The following DGKG variants were observed in gnomAD, a reference collection of about 807,000 sequenced individuals.
DGKG encodes DAG kinase gamma.
DGKG carries 78 observed loss-of-function variants against 105.3 expected under a neutral mutation model. That is an observed-to-expected ratio of 0.74 (90% confidence interval 0.62 to 0.89). The LOEUF (loss-of-function observed/expected upper bound fraction) is 0.89. Among genes scored for constraint, DGKG ranks in the 40% least tolerant of loss-of-function variants. The pLI is 0.00. For synonymous variants in DGKG, 346 were observed against 367.1 expected (o/e 0.94, Z 0.66); for missense variants, 958 against 1,020.1 (o/e 0.94, Z 0.83).
intron 5 of DGKG, 76 bp from the exon 6 acceptor site, chr3:186,288,956 C>T (rs1457198218): frequency 7.1e-7 from 1 of 1,413,934 alleles, no homozygotes; most frequent in African/African-American, 1.5e-5. Flanking sequence ...TTACCCCATC[C>T]TTTTCATGGT....
chr3:186,257,192 T>C (rs1301094656), intron 17 of DGKG, among the ~76,000 whole-genome samples: 2 of 152,214 alleles, frequency 1.3e-5, no homozygotes, highest in Non-Finnish European at 2.9e-5. Flanking sequence ...TATTACACTT[T>C]GCAGTGTTTG....
chr3:186,297,597 G>A, intron 4 of DGKG, 114 bp from the exon 5 acceptor site: 1 of 753,394 alleles, frequency 1.3e-6, no homozygotes, highest in East Asian at 2.5e-5. Context: ...CTGTGTCTCG[G>A]GGTTATGTGT....
chr3:186,289,038 G>T (rs961399065), intron 5 of DGKG, among the ~76,000 whole-genome samples, 158 bp from the exon 6 acceptor site: 1 of 152,174 alleles, frequency 6.6e-6, no homozygotes, highest in African/African-American at 2.4e-5. Context: ...AGTGGCCCTA[G>T]AAATCCAACT....
intron 22 of DGKG, among the ~76,000 whole-genome samples, chr3:186,165,440 G>A (rs1016650158): frequency 3.3e-5 from 5 of 152,234 alleles, no homozygotes; most frequent in Admixed American, 2.6e-4. Flanking sequence ...TTCTCTGAAT[G>A]TCTGAATAAC....
intron 5 of DGKG, among the ~76,000 whole-genome samples, chr3:186,295,132 C>G (rs1382133534): frequency 1.3e-5 from 2 of 152,172 alleles, no homozygotes; most frequent in Non-Finnish European, 1.5e-5. Flanking sequence ...AAGAAACTCT[C>G]TCTTCAAGGT....
intron 10 of DGKG, 45 bp from the exon 11 acceptor site, chr3:186,272,388 T>C: frequency 7.0e-7 from 1 of 1,436,406 alleles, no homozygotes; most frequent in Non-Finnish European, 9.8e-7. Flanking sequence ...AATAGCCACG[T>C]AGGAAAGGCC....
At chr3:186,235,290 G>A (rs1720363052) in intron 20 of DGKG, among the ~76,000 whole-genome samples, 1 of 152,066 alleles carries the variant, frequency 6.6e-6, no homozygotes, top group African/African-American at 2.4e-5. Context: ...ATTTCATTTG[G>A]GGCTTTTCTG....
At chr3:186,315,527 C>G (rs890325263) in intron 2 of DGKG, among the ~76,000 whole-genome samples, 1 of 152,126 alleles carries the variant, frequency 6.6e-6, no homozygotes, top group African/African-American at 2.4e-5. Flanking sequence ...ATTCAGTTCT[C>G]TAGAGAGGTC....
At chr3:186,158,946 G>A (rs567594857) in intron 24 of DGKG, 27 of 527,216 alleles carry the variant, frequency 5.1e-5, no homozygotes, top group African/African-American at 5.0e-4. Flanking sequence ...ACATTACTAT[G>A]TCTTCCTTTT....
At position 186,188,202 on chromosome 3, in the gene DGKG, C is replaced by G. The variant is rs779284601; in HGVS notation, c.2095G>C (p.Asp699His). The G allele has an allele frequency of 6.2e-7, 1 of 1,614,168 alleles. No individual in the cohort carries two copies. The highest frequency in any genetic ancestry group is 8.5e-7 in the Non-Finnish European group (1 of 1,180,038). Residue 699 changes from aspartate (D) to histidine (H), a missense_variant and splice_region_variant, in exon 22 of 25, where the codon GAC becomes CAC. By Grantham distance (81) the Asp-to-His change is moderately conservative. This residue lies in a region of DGKG where 315 missense variants were observed against 400.6 expected (regional missense o/e 0.79). Transcript: ENST00000265022. The stretch of plus-strand genomic sequence containing the variant: ...ACAATTATCCTCATTCCTGGCTTAC[C>G]TTGAACGCAGAATTTCAGTTCTTTG... ...DPKELKFCVQ[D>H]LSDQLLEVVG...
intron 20 of DGKG, among the ~76,000 whole-genome samples, chr3:186,228,984 A>T (rs1214221987): frequency 6.6e-6 from 1 of 152,164 alleles, no homozygotes; most frequent in African/African-American, 2.4e-5. Context: ...TCAAGTTAAA[A>T]TGAGGTTATA....
chr3:186,302,825 T>A lies in DGKG; in HGVS notation c.144+4076A>T, dbSNP rs545815585. 1.3e-4 allele frequency among the ~76,000 whole-genome samples: 20 copies of A among 152,154 alleles called. 1 individual carries two copies. The highest frequency in any genetic ancestry group is 3.4e-3 in the Middle Eastern group (1 of 294). On this transcript the variant is annotated intron_variant, in intron 3 of 24. Transcript: ENST00000265022. ...TAGGAAAAGAGCTGACAAACTGTTA[T>A]GAGAACTTAGAAAATAATACTGATG...
In DGKG at chr3:186,149,544, C is replaced by T. The variant is rs1370049686; in HGVS notation, c.*546G>A. ...CACGGAGAAGTTGTCACTCAAAGGA[C>T]GACCAAGAAACCAACGTGCGCCTGC... On this transcript the variant is annotated 3_prime_UTR_variant, in exon 25 of 25. Coordinates refer to ENST00000265022, the MANE Select transcript of DGKG (RefSeq NM_001346.3). 9 of 985,392 alleles carry T rather than the reference C, an allele frequency of 9.1e-6. No homozygotes were observed. Among genetic ancestry groups the T allele is most frequent in the South Asian group, 4.7e-5 (1 of 21,298 alleles). 61.0% of individuals were successfully genotyped at this position (985,392 alleles called of 1,614,324 possible). A position where few individuals can be genotyped will look rare whatever the true frequency, so the allele number is the denominator to read the frequency against.
intron 10 of DGKG, among the ~76,000 whole-genome samples, chr3:186,274,544 C>A (rs1292956674): frequency 1.8e-5 from 2 of 109,528 alleles, no homozygotes; most frequent in African/African-American, 7.0e-5. Flanking sequence ...CCCCTCCCCC[C>A]ACCCCACGAC....
intron 21 of DGKG, among the ~76,000 whole-genome samples, chr3:186,199,935 T>A (rs1407398518): frequency 6.6e-6 from 1 of 152,180 alleles, no homozygotes; most frequent in African/African-American, 2.4e-5. Context: ...ATGCATGAGA[T>A]GCAAGTGACG....
At chr3:186,178,156 T>C (rs1717180360) in intron 22 of DGKG, among the ~76,000 whole-genome samples, 1 of 152,176 alleles carries the variant, frequency 6.6e-6, no homozygotes, top group African/African-American at 2.4e-5. Flanking sequence ...CCTCCAGAAC[T>C]GTGAGAGATC....
At position 186,203,349 on chromosome 3, in the gene DGKG, G is replaced by A. The variant is rs144632290; in HGVS notation, c.1917+8446C>T. 6.6e-6 allele frequency among the ~76,000 whole-genome samples: 1 copy of A among 152,290 alleles called. No homozygotes were observed. Among genetic ancestry groups the A allele is most frequent in the East Asian group, 1.9e-4 (1 of 5,186 alleles). On this transcript the variant is annotated intron_variant, in intron 21 of 24. Coordinates refer to ENST00000265022, the MANE Select transcript of DGKG (RefSeq NM_001346.3). This position sits in a 1 kb window ranked among gnomAD's most constrained non-coding sequence, Gnocchi z 4.9. ...TAACATTACCCTAAGATTGAAACGA[G>A]GCCAATGTTGTAGCAGTGCTGATTC...
intron 20 of DGKG, among the ~76,000 whole-genome samples, chr3:186,225,274 AT>A (rs961698773): frequency 4.6e-5 from 7 of 151,436 alleles, no homozygotes; most frequent in Non-Finnish European, 7.4e-5. Context: ...GCCCTGAATC[AT>A]TTTTTTTAAT....
chr3:186,253,105 G>T lies in DGKG; in HGVS notation c.1588C>A (p.Arg530Ser). The T allele has an allele frequency of 6.2e-7, 1 of 1,614,160 alleles. No homozygotes were observed. The highest frequency in any genetic ancestry group is 8.5e-7 in the Non-Finnish European group (1 of 1,179,996). ...CATGCAAACTCACCTCCTCCCCAGC[G>T]GAGACAACGGGCAAGGTCATTTCCT... ...GTGNDLARCL[R>S]WGGGYEGGSL... Residue 530 changes from arginine to serine, a missense_variant, in exon 18 of 25, where the codon CGC becomes AGC. This residue lies in a region of DGKG where 315 missense variants were observed against 400.6 expected (regional missense o/e 0.79). Coordinates refer to ENST00000265022, the MANE Select transcript of DGKG (RefSeq NM_001346.3).
Sources: gnomAD v4.1 joint callset for allele counts (sites outside exome capture counted in the v4.1 genomes callset) on GRCh38, gnomAD v4.1.1 for gene constraint, gnomAD v4.1.1 regional missense constraint, Gnocchi (gnomAD v3.1) non-coding constraint, MANE v1.5 for transcripts, NCBI Gene and HGNC (gene_info 2026-07-23, HGNC 2026-07-21) for gene names.